SLC22A24: variants seen among roughly 807,000 people sequenced by gnomAD.
SLC22A24 encodes solute carrier family 22 member 24.
In SLC22A24, 53 loss-of-function variants were observed where a neutral mutation model predicts 49.8. The observed-to-expected ratio is 1.06, with a 90% CI of 0.85 to 1.34. The LOEUF (loss-of-function observed/expected upper bound fraction) is 1.34, where lower values mean the gene tolerates loss of function less well. SLC22A24 is among the 40% of genes most tolerant of loss of function. SLC22A24 has a pLI of 0.00. For missense variants in SLC22A24, 786 were observed against 675.9 expected (o/e 1.16, Z -1.81); for synonymous variants, 302 against 256.4 (o/e 1.18, Z -1.70).
In SLC22A24 at chr11:63,130,254, T is replaced by A. The variant is rs969432043; in HGVS notation, c.506+4411A>T. Among the ~76,000 whole-genome samples, 3 of 152,320 alleles carry A rather than the reference T, an allele frequency of 2.0e-5. No individual in the cohort carries two copies. The South Asian group carries it at 6.2e-4, about 32-fold the overall frequency. On this transcript the variant is annotated intron_variant, in intron 2 of 9. Coordinates refer to ENST00000612278, the MANE Select transcript of SLC22A24 (RefSeq NM_001136506.2). ...ATAATCATGTGGTTTTTGTCATTGG[T>A]TCTGTTTATGTGATGGATTACGTTT... is the stretch of plus-strand genomic sequence containing the variant.
chr11:63,125,483 G>T (rs1047270954), intron 2 of SLC22A24, among the ~76,000 whole-genome samples: 2 of 152,166 alleles, frequency 1.3e-5, no homozygotes, highest in Admixed American at 6.5e-5. Context: ...CAAAGGACAT[G>T]AACTCATCCT....
intron 2 of SLC22A24, among the ~76,000 whole-genome samples, chr11:63,134,052 AC>A (rs1313055663): frequency 6.6e-6 from 1 of 152,232 alleles, no homozygotes; most frequent in Non-Finnish European, 1.5e-5. Context: ...TATACAAATG[AC>A]ATTTTAAAAT....
At chr11:63,133,201 TC>T (rs2087349516) in intron 2 of SLC22A24, among the ~76,000 whole-genome samples, 1 of 152,100 alleles carries the variant, frequency 6.6e-6, no homozygotes, top group South Asian at 2.1e-4. Flanking sequence ...GTGTACTGTT[TC>T]TCCAGGTGCA....
At chr11:63,114,667 C>T (rs557882266) in intron 4 of SLC22A24, among the ~76,000 whole-genome samples, 48 of 152,288 alleles carry the variant, frequency 3.2e-4, no homozygotes, top group Admixed American at 5.2e-4. Flanking sequence ...AGCTTTTCTG[C>T]TCTGTTTTCT....
At position 63,143,625 on chromosome 11, in the gene SLC22A24, G is replaced by A. The variant is rs762887938; in HGVS notation, c.155C>T (p.Pro52Leu). ...AFTPSHRCWV[P>L]LLDNDTVSDN... is the part of the protein sequence containing the mutation. ...AGACACAGTGTCATTGTCCAGGAGG[G>A]GGACCCAGCAGCGATGACTAGGGGT... is the stretch of plus-strand genomic sequence containing the variant. The change falls in exon 1 of 10, where the codon CCC becomes CTC. Residue 52 changes from proline (P) to leucine (L), a missense_variant. Pro to Leu is a moderately conservative substitution (Grantham distance 98). Coordinates refer to ENST00000612278, the MANE Select transcript of SLC22A24 (RefSeq NM_001136506.2). 4.6e-5 allele frequency: 73 copies of A among 1,589,864 alleles called. No homozygotes were observed. The highest frequency in any genetic ancestry group is 6.8e-5 in the African/African-American group (5 of 73,810).
At chr11:63,109,661 G>A (rs1454718601) in intron 4 of SLC22A24, among the ~76,000 whole-genome samples, 1 of 151,836 alleles carries the variant, frequency 6.6e-6, no homozygotes. Context: ...AGAAGTGTCT[G>A]TTCATGTCCT....
intron 6 of SLC22A24, 108 bp from the exon 7 acceptor site, chr11:63,083,565 A>G: frequency 2.4e-6 from 2 of 846,800 alleles, no homozygotes; most frequent in Non-Finnish European, 3.6e-6. Flanking sequence ...ATATTGACCC[A>G]ATTGGCAAAT....
chr11:63,107,939 T>C (rs1329545260), intron 4 of SLC22A24, among the ~76,000 whole-genome samples: 1 of 152,128 alleles, frequency 6.6e-6, no homozygotes, highest in Non-Finnish European at 1.5e-5. Flanking sequence ...TTCTCCTGCC[T>C]AATTGCCCTG....
At chr11:63,131,069 C>T (rs1163078663) in intron 2 of SLC22A24, among the ~76,000 whole-genome samples, 1 of 151,960 alleles carries the variant, frequency 6.6e-6, no homozygotes, top group African/African-American at 2.4e-5. Context: ...GGTTTAAAGT[C>T]TGTTTTATCA....
chr11:63,106,630 G>A (rs981562816), intron 4 of SLC22A24, among the ~76,000 whole-genome samples: 1 of 152,172 alleles, frequency 6.6e-6, no homozygotes, highest in Non-Finnish European at 1.5e-5. Context: ...TCTAACTGGT[G>A]TTAGATGGTA....
intron 5 of SLC22A24, among the ~76,000 whole-genome samples, chr11:63,099,386 T>TA (rs2087076941): frequency 7.7e-6 from 1 of 129,104 alleles, no homozygotes; most frequent in African/African-American, 2.9e-5. Context: ...TTTTTTTTTT[T>TA]TTTTTTTTTT....
chr11:63,100,002 C>A (rs2087080998), intron 5 of SLC22A24, among the ~76,000 whole-genome samples: 1 of 152,032 alleles, frequency 6.6e-6, no homozygotes, highest in African/African-American at 2.4e-5. Context: ...AGTCTTATCC[C>A]TAAAATTCAG....
At chr11:63,105,076 A>G (rs1208957842) in intron 4 of SLC22A24, among the ~76,000 whole-genome samples, 1 of 152,218 alleles carries the variant, frequency 6.6e-6, no homozygotes, top group Non-Finnish European at 1.5e-5. Flanking sequence ...TCAAATATTA[A>G]AGCTCCAAAT....
intron 6 of SLC22A24, among the ~76,000 whole-genome samples, chr11:63,091,180 A>G (rs1590729930): frequency 1.3e-5 from 2 of 152,308 alleles, no homozygotes; most frequent in South Asian, 4.1e-4. Flanking sequence ...TTCTGGACAC[A>G]CACACCCTCC....
chr11:63,115,978 G>T (rs72918300), intron 4 of SLC22A24: 37,426 of 321,128 alleles, frequency 0.12, 2,653 homozygotes, highest in South Asian at 0.16. Flanking sequence ...TTGGCCTTTG[G>T]CTGGCACTGC....
intron 4 of SLC22A24, among the ~76,000 whole-genome samples, chr11:63,113,408 T>C (rs1175508246): frequency 2.0e-5 from 3 of 151,662 alleles, no homozygotes; most frequent in Non-Finnish European, 2.9e-5. Flanking sequence ...TTTCTTTCCA[T>C]GTTTAGTGCT....
intron 2 of SLC22A24, among the ~76,000 whole-genome samples, chr11:63,130,214 T>A (rs1339694440): frequency 7.9e-5 from 12 of 152,276 alleles, no homozygotes; most frequent in Admixed American, 7.8e-4. Flanking sequence ...GAAGGTCTTT[T>A]CTGCATCTAT....
intron 6 of SLC22A24, among the ~76,000 whole-genome samples, chr11:63,093,666 G>A (rs1181225159): frequency 6.6e-6 from 1 of 151,988 alleles, no homozygotes; most frequent in Non-Finnish European, 1.5e-5. Flanking sequence ...CACATAGAGG[G>A]GAACAATAGA....
At chr11:63,102,782 T>G (rs1359449402) in intron 5 of SLC22A24, among the ~76,000 whole-genome samples, 1 of 152,116 alleles carries the variant, frequency 6.6e-6, no homozygotes. Context: ...TTCCATGCCT[T>G]GAGACCTAAT....
Sources: allele counts gnomAD v4.1 joint callset (sites outside exome capture counted in the v4.1 genomes callset), GRCh38; gene constraint gnomAD v4.1.1; transcripts MANE v1.5; gene names NCBI Gene and HGNC (gene_info 2026-07-23, HGNC 2026-07-21).